Variants in GUCY1A1 observed in about 807,000 individuals in gnomAD.
GUCY1A1 encodes guanylate cyclase soluble subunit alpha-1.
In GUCY1A1, 48 loss-of-function variants were observed where a neutral mutation model predicts 64.5. The ratio of observed to expected loss-of-function variants is 0.74; its 90% CI spans 0.59 to 0.95. GUCY1A1 has a LOEUF of 0.95. Among genes scored for constraint, GUCY1A1 ranks in the 40% least tolerant of loss-of-function variants. The pLI is 0.00. For synonymous variants in GUCY1A1, 308 were observed against 303.4 expected, an observed-to-expected ratio of 1.02 and a Z score of -0.16; for missense variants, 804 against 825.3, an observed-to-expected ratio of 0.97 and a Z score of 0.32.
chr4:155,711,302 G>A, intron 6 of GUCY1A1, 51 bp downstream of exon 6: 1 of 978,082 alleles, frequency 1.0e-6, no homozygotes, highest in Non-Finnish European at 1.6e-6. Context: ...TCATATTTAA[G>A]AGCAAGAAAC....
At chr4:155,675,591 T>A (rs951611757) in intron 2 of GUCY1A1, among the ~76,000 whole-genome samples, 14 of 151,614 alleles carry the variant, frequency 9.2e-5, no homozygotes, top group African/African-American at 3.4e-4. Flanking sequence ...TTTGTCCAGC[T>A]CTATCCCAAA....
rs1734877035 is a variant in GUCY1A1, at chr4:155,676,091, T to A, written c.-113+8672T>A. 1.3e-5 allele frequency among the ~76,000 whole-genome samples: 2 copies of A among 151,436 alleles called. 1 individual carries two copies. Among genetic ancestry groups the A allele is most frequent in the African/African-American group, 4.9e-5 (2 of 40,720 alleles). On this transcript the variant is annotated intron_variant, in intron 2 of 9. Transcript: ENST00000506455. ...GAGGTTGCCCAATAGCAGTGGTTAC[T>A]TTTATTATGTTGTCTTTCTGCCTTC...
intron 2 of GUCY1A1, among the ~76,000 whole-genome samples, chr4:155,675,300 G>A (rs951000188): frequency 1.3e-5 from 2 of 151,536 alleles, no homozygotes; most frequent in African/African-American, 4.9e-5. Flanking sequence ...TTTAAATTGT[G>A]TATTTGTGAG....
chr4:155,732,424 A>G lies in GUCY1A1; in HGVS notation c.*2193A>G, dbSNP rs2110821003. On this transcript the variant is annotated 3_prime_UTR_variant, in exon 10 of 10. Transcript: ENST00000506455. ...ACAAAGGCCCATTAAATACAGAATA[A>G]TTTGTGGATCTTCAAAGAGGATGAA... 6.5e-6 allele frequency: 1 copy of G among 153,064 alleles called. No homozygotes were observed. The highest frequency in any genetic ancestry group is 6.6e-5 in the Admixed American group (1 of 15,182). The allele number at this position is 153,064 out of a possible 1,614,324, so 9.5% of individuals were successfully genotyped here.
At chr4:155,724,047 T>G (rs1033582606) in intron 9 of GUCY1A1, among the ~76,000 whole-genome samples, 1 of 152,118 alleles carries the variant, frequency 6.6e-6, no homozygotes, top group African/African-American at 2.4e-5. Context: ...ACCACCAGAA[T>G]AGAAGTCAGA....
chr4:155,706,988 G>A (rs1481040836), intron 4 of GUCY1A1, among the ~76,000 whole-genome samples: 1 of 152,088 alleles, frequency 6.6e-6, no homozygotes, highest in Non-Finnish European at 1.5e-5. Flanking sequence ...TGAAGAATAG[G>A]TTTCTTTCAT....
intron 2 of GUCY1A1, among the ~76,000 whole-genome samples, chr4:155,682,452 G>C (rs541845830): frequency 2.0e-5 from 3 of 152,018 alleles, no homozygotes; most frequent in African/African-American, 7.2e-5. Flanking sequence ...TGAGCGGGGC[G>C]GATCACGAGG....
chr4:155,688,240 C>CA lies in GUCY1A1; in HGVS notation c.-112-8501dup, dbSNP rs879491708. On this transcript the variant is annotated intron_variant, in intron 2 of 9. Coordinates refer to ENST00000506455, the MANE Select transcript of GUCY1A1 (RefSeq NM_001130682.3). ...GAGACTCCTCAAACAAACAAACAAA[C>CA]AAAAAAAAAAAAAAACTCATCATTA... Among the ~76,000 whole-genome samples the CA allele has an allele frequency of 2.5e-3, 368 of 144,570 alleles. 2 individuals are homozygous for CA. Among genetic ancestry groups the CA allele is most frequent in the Non-Finnish European group, 3.3e-3 (218 of 66,168 alleles). 94.8% of individuals were successfully genotyped at this position (144,570 alleles called of 152,430 possible).
At chr4:155,668,720 T>C (rs753700357) in intron 2 of GUCY1A1, among the ~76,000 whole-genome samples, 5 of 152,218 alleles carry the variant, frequency 3.3e-5, no homozygotes, top group Non-Finnish European at 7.4e-5. Flanking sequence ...CCCTATTATG[T>C]ACAGTGGTAA....
intron 2 of GUCY1A1, among the ~76,000 whole-genome samples, chr4:155,683,485 A>G (rs924684618): frequency 3.3e-5 from 5 of 152,246 alleles, no homozygotes; most frequent in African/African-American, 1.2e-4. Context: ...GGCAGTCCCA[A>G]AGTTGGATAA....
intron 9 of GUCY1A1, 77 bp downstream of exon 9, chr4:155,722,269 C>G (rs1734063708): frequency 1.3e-6 from 2 of 1,529,334 alleles, no homozygotes; most frequent in Non-Finnish European, 1.8e-6. Context: ...TGATTTGATT[C>G]ATTCTTCATA....
At chr4:155,680,483 T>TGTGTGC (rs1491175456) in intron 2 of GUCY1A1, among the ~76,000 whole-genome samples, 5 of 147,844 alleles carry the variant, frequency 3.4e-5, no homozygotes, top group Admixed American at 6.8e-5. Flanking sequence ...TGTGTGTGTG[T>TGTGTGC]GCACATGCAT....
At chr4:155,690,532 T>G (rs1729599039) in intron 2 of GUCY1A1, among the ~76,000 whole-genome samples, 1 of 152,220 alleles carries the variant, frequency 6.6e-6, no homozygotes. Context: ...TTTGTAGAAC[T>G]CTGCAAAATC....
intron 2 of GUCY1A1, among the ~76,000 whole-genome samples, chr4:155,689,643 A>G (rs1336273532): frequency 6.6e-6 from 1 of 152,214 alleles, no homozygotes; most frequent in African/African-American, 2.4e-5. Flanking sequence ...TATTATTTCA[A>G]AGATGCCACA....
At chr4:155,719,193 T>G in intron 8 of GUCY1A1, among the ~76,000 whole-genome samples, 1 of 152,174 alleles carries the variant, frequency 6.6e-6, no homozygotes, top group African/African-American at 2.4e-5. Flanking sequence ...CAAAGATAGT[T>G]ACCTGGGTAA....
chr4:155,699,056 C>A (rs956973609), intron 3 of GUCY1A1, among the ~76,000 whole-genome samples: 3 of 151,266 alleles, frequency 2.0e-5, no homozygotes, highest in African/African-American at 7.4e-5. Context: ...TTCTTTAGGG[C>A]TGGTTACTGT....
intron 2 of GUCY1A1, among the ~76,000 whole-genome samples, chr4:155,687,524 A>G (rs1194146277): frequency 6.6e-6 from 1 of 152,120 alleles, no homozygotes; most frequent in African/African-American, 2.4e-5. Context: ...AACTTGTCCA[A>G]TGTCACACTA....
intron 2 of GUCY1A1, among the ~76,000 whole-genome samples, chr4:155,670,505 C>A (rs1299627725): frequency 6.6e-6 from 1 of 152,118 alleles, no homozygotes; most frequent in Non-Finnish European, 1.5e-5. Flanking sequence ...AATTTTTCTT[C>A]TTCCCTGGGT....
At chr4:155,717,356 T>C (rs1733391222) in intron 8 of GUCY1A1, 54 bp downstream of exon 8, 5 of 1,332,488 alleles carry the variant, frequency 3.8e-6, no homozygotes, top group Admixed American at 2.5e-5. Context: ...ATGCGTATAG[T>C]TGATTACCAA....
Sources: gnomAD v4.1 joint callset for allele counts (sites outside exome capture counted in the v4.1 genomes callset) on GRCh38, gnomAD v4.1.1 for gene constraint, MANE v1.5 for transcripts, NCBI Gene and HGNC (gene_info 2026-07-23, HGNC 2026-07-21) for gene names.